STPG2: variants seen among roughly 807,000 people sequenced by gnomAD.
STPG2 encodes the protein sperm tail PG-rich repeat containing 2.
A neutral mutation model predicts 54.2 loss-of-function variants in STPG2; 56 were observed. That is an observed-to-expected ratio of 1.03 (90% CI 0.83 to 1.29). The LOEUF (loss-of-function observed/expected upper bound fraction) is 1.29, where lower values mean the gene tolerates loss of function less well. STPG2 is among the 50% of genes most tolerant of loss of function. The pLI is 0.00. For synonymous variants in STPG2, 200 were observed against 181.8 expected (o/e 1.10, Z -0.81); for missense variants, 596 against 544.9 (o/e 1.09, Z -0.93).
intron 10 of STPG2, among the ~76,000 whole-genome samples, chr4:97,694,788 G>T (rs1263619430): frequency 9.3e-6 from 1 of 107,070 alleles, no homozygotes; most frequent in Admixed American, 1.5e-4. Flanking sequence ...ACTCCAGCCT[G>T]GGTTACAGAG....
intron 9 of STPG2, among the ~76,000 whole-genome samples, chr4:97,796,333 G>A (rs1331918842): frequency 6.6e-6 from 1 of 152,110 alleles, no homozygotes; most frequent in East Asian, 1.9e-4. Context: ...TATGGTTTTA[G>A]GTCTAACATT....
chr4:98,107,996 A>G (rs1412432508), intron 4 of STPG2, among the ~76,000 whole-genome samples: 1 of 152,164 alleles, frequency 6.6e-6, no homozygotes, highest in Non-Finnish European at 1.5e-5. Flanking sequence ...CTAAAAGAAT[A>G]AAAATACAAA....
chr4:98,094,775 G>C (rs1281756257), intron 5 of STPG2, among the ~76,000 whole-genome samples: 1 of 152,206 alleles, frequency 6.6e-6, no homozygotes, highest in East Asian at 1.9e-4. Flanking sequence ...TCTGCCTGTG[G>C]AAAGGGGAGT....
At chr4:97,971,785 C>T (rs1734335122) in intron 7 of STPG2, among the ~76,000 whole-genome samples, 1 of 151,818 alleles carries the variant, frequency 6.6e-6, no homozygotes, top group South Asian at 2.1e-4. Context: ...TACCCCAGAA[C>T]TTAAAGTATA....
rs70953077 is a variant in STPG2, at chr4:97,616,057, AATATATATATATATATATATATATATAT to A, written c.1321-56968_1321-56941del. On this transcript the variant is annotated intron_variant, in intron 10 of 10. Coordinates refer to ENST00000295268, the MANE Select transcript of STPG2 (RefSeq NM_174952.3). ...GTCTCAAAAAAAAAAAATACATATA[AATATATATATATATATATATATATATAT>A]ATATATATATGTATGTATATTTAAT... Among the ~76,000 whole-genome samples the A allele has an allele frequency of 1.6e-4, 6 of 37,396 alleles. 1 individual carries two copies. Among genetic ancestry groups the A allele is most frequent in the Admixed American group, 5.3e-4 (1 of 1,872 alleles). The allele number at this position is 37,396 out of a possible 152,430, so 24.5% of individuals were successfully genotyped here. A position where few individuals can be genotyped will look rare whatever the true frequency, so the allele number is the denominator to read the frequency against.
chr4:97,807,036 CTG>C (rs1476190771), intron 9 of STPG2, among the ~76,000 whole-genome samples: 2 of 151,836 alleles, frequency 1.3e-5, no homozygotes, highest in African/African-American at 4.8e-5. Context: ...GCTTGATTTT[CTG>C]TGTTATGTTA....
intron 8 of STPG2, among the ~76,000 whole-genome samples, chr4:97,877,583 C>A (rs1730225233): frequency 6.6e-6 from 1 of 152,026 alleles, no homozygotes; most frequent in Non-Finnish European, 1.5e-5. Context: ...ATTATAAAAC[C>A]ATCAGATCTC....
chr4:97,485,856 T>A (rs1331723510), intron 4 of STPG2, among the ~76,000 whole-genome samples: 1 of 151,842 alleles, frequency 6.6e-6, no homozygotes, highest in Non-Finnish European at 1.5e-5. Context: ...CATAGACCAA[T>A]GGAACAGAAT....
chr4:97,618,539 C>T (rs1733929007), intron 10 of STPG2, among the ~76,000 whole-genome samples: 1 of 152,104 alleles, frequency 6.6e-6, no homozygotes, highest in Non-Finnish European at 1.5e-5. Context: ...TAAAATAGAT[C>T]AGAAAATGAC....
chr4:97,535,244 C>A (rs949227189), intron 4 of STPG2, among the ~76,000 whole-genome samples: 1 of 152,306 alleles, frequency 6.6e-6, no homozygotes, highest in South Asian at 2.1e-4. Flanking sequence ...TAAATTCCCA[C>A]TAAAAATTTA....
At chr4:97,468,180 C>T (rs944868465) in intron 4 of STPG2, among the ~76,000 whole-genome samples, 1 of 151,612 alleles carries the variant, frequency 6.6e-6, no homozygotes, top group Non-Finnish European at 1.5e-5. Context: ...AAATATTTGT[C>T]AAACTTTTTT....
At chr4:97,984,118 C>A (rs1734759216) in intron 5 of STPG2, among the ~76,000 whole-genome samples, 1 of 152,068 alleles carries the variant, frequency 6.6e-6, no homozygotes, top group African/African-American at 2.4e-5. Flanking sequence ...TCCCAATAAA[C>A]CAACCTACTA....
intron 9 of STPG2, among the ~76,000 whole-genome samples, chr4:97,731,750 C>T (rs1007022980): frequency 3.9e-5 from 6 of 152,206 alleles, no homozygotes; most frequent in Admixed American, 6.5e-5. Context: ...ACCTGGGACT[C>T]ACTCTTCTCA....
intron 4 of STPG2, among the ~76,000 whole-genome samples, chr4:97,487,010 C>G (rs533224732): frequency 1.3e-5 from 2 of 151,282 alleles, no homozygotes; most frequent in Non-Finnish European, 3.0e-5. Context: ...AAACCAAACA[C>G]TGTATGTTCT....
At chr4:97,623,790 C>T (rs1176100772) in intron 10 of STPG2, among the ~76,000 whole-genome samples, 3 of 152,102 alleles carry the variant, frequency 2.0e-5, no homozygotes, top group Non-Finnish European at 2.9e-5. Flanking sequence ...CTTCCTCCCC[C>T]GACACCCCCA....
At chr4:98,082,687 C>T (rs1160079793) in intron 5 of STPG2, among the ~76,000 whole-genome samples, 1 of 151,696 alleles carries the variant, frequency 6.6e-6, no homozygotes, top group African/African-American at 2.4e-5. Context: ...CTCTTGACCT[C>T]ATGATCCGCC....
intron 10 of STPG2, among the ~76,000 whole-genome samples, chr4:97,687,734 A>G (rs188072809): frequency 6.6e-6 from 1 of 152,312 alleles, no homozygotes; most frequent in East Asian, 1.9e-4. Context: ...TTAAAAAATT[A>G]GCTGGACAAA....
At chr4:97,716,391 A>G (rs967518132) in intron 9 of STPG2, among the ~76,000 whole-genome samples, 1 of 152,152 alleles carries the variant, frequency 6.6e-6, no homozygotes, top group Non-Finnish European at 1.5e-5. Flanking sequence ...ATAAAGACAC[A>G]TGCACACGTA....
At chr4:97,584,217 C>T (rs1732934756) in intron 10 of STPG2, among the ~76,000 whole-genome samples, 2 of 151,934 alleles carry the variant, frequency 1.3e-5, no homozygotes, top group Admixed American at 1.3e-4. Flanking sequence ...TGGTCATTAA[C>T]TCCAAAAGAA....
Sources: allele counts gnomAD v4.1 joint callset (sites outside exome capture counted in the v4.1 genomes callset), GRCh38; gene constraint gnomAD v4.1.1; transcripts MANE v1.5; gene names NCBI Gene and HGNC (gene_info 2026-07-23, HGNC 2026-07-21).